Variants in FBXW11 observed in about 807,000 individuals in gnomAD.
The protein encoded by FBXW11 is F-box/WD repeat-containing protein 11.
FBXW11 carries 19 observed loss-of-function variants against 77.6 expected under a neutral mutation model. The ratio of observed to expected loss-of-function variants is 0.24; its 90% CI spans 0.17 to 0.36. The LOEUF is 0.36. Ranked by LOEUF, FBXW11 falls within the 10% of genes least tolerant of loss-of-function variation. The pLI, the probability that FBXW11 is intolerant of heterozygous loss-of-function variation, is 1.00. For missense variants in FBXW11, 334 were observed against 704.2 expected (o/e 0.47, Z 5.95); for synonymous variants, 235 against 249.4 (o/e 0.94, Z 0.54).
chr5:171,989,639 A>T (rs2113546931), intron 1 of FBXW11, among the ~76,000 whole-genome samples: 1 of 152,376 alleles, frequency 6.6e-6, no homozygotes, highest in Non-Finnish European at 1.5e-5. Context: ...AAGTTAATGC[A>T]GGCAAAGGAA....
At chr5:171,969,203 G>A (rs1764388935) in intron 1 of FBXW11, among the ~76,000 whole-genome samples, 1 of 152,206 alleles carries the variant, frequency 6.6e-6, no homozygotes, top group South Asian at 2.1e-4. Flanking sequence ...AGGAGGCAGA[G>A]GTTGCAGTAA....
intron 1 of FBXW11, among the ~76,000 whole-genome samples, chr5:172,004,181 G>A (rs1355896246): frequency 6.6e-6 from 1 of 152,078 alleles, no homozygotes; most frequent in Non-Finnish European, 1.5e-5. Context: ...TTTGATCCTG[G>A]ATTTACTCAA....
Position 171,878,553 on chromosome 5 carries a change from AGTGTGTGAGT to A in FBXW11, c.853-434_853-425del, listed in dbSNP as rs747420737. Among the ~76,000 whole-genome samples, 47 of 105,486 alleles carry A rather than the reference AGTGTGTGAGT, an allele frequency of 4.5e-4. 2 individuals carry two copies. The South Asian group carries it at 0.013, about 30-fold the overall frequency. 69.2% of individuals were successfully genotyped at this position (105,486 alleles called of 152,430 possible). On this transcript the variant is annotated intron_variant, in intron 7 of 13. Transcript: ENST00000517395. ...AACATACCAAGCCAATCTCCATAAGAGTGTGTGAGTGTGTGTGTGTGTGTGTGTGTGTGTG... is the reference window on the plus strand; with the variant it reads ...AACATACCAAGCCAATCTCCATAAGAGTGTGTGTGTGTGTGTGTGTGTGTG...
At chr5:171,932,954 CAAAA>C (rs59324690) in intron 2 of FBXW11, among the ~76,000 whole-genome samples, 4 of 50,246 alleles carry the variant, frequency 8.0e-5, no homozygotes, top group Admixed American at 5.4e-4. Context: ...CTGCCTCTAC[CAAAA>C]AAAAAAAAAA....
intron 1 of FBXW11, among the ~76,000 whole-genome samples, chr5:171,962,517 G>A (rs1211796649): frequency 6.6e-6 from 1 of 151,954 alleles, no homozygotes; most frequent in Non-Finnish European, 1.5e-5. Context: ...TATTAGCCAG[G>A]GAAGCTGACA....
chr5:171,936,456 A>C (rs1489385215), intron 2 of FBXW11, among the ~76,000 whole-genome samples: 1 of 149,780 alleles, frequency 6.7e-6, no homozygotes. Context: ...TGATCATGCT[A>C]CTGCACTCCA....
chr5:171,865,995 T>C (rs1757367995), intron 13 of FBXW11, among the ~76,000 whole-genome samples: 1 of 152,178 alleles, frequency 6.6e-6, no homozygotes, highest in Non-Finnish European at 1.5e-5. Flanking sequence ...CCGCACGCGG[T>C]GGCTCACTCC....
At chr5:171,973,940 GAT>G (rs967123722) in intron 1 of FBXW11, among the ~76,000 whole-genome samples, 1 of 152,066 alleles carries the variant, frequency 6.6e-6, no homozygotes, top group Non-Finnish European at 1.5e-5. Flanking sequence ...ATAATGGAAT[GAT>G]ATATATGTGT....
intron 2 of FBXW11, among the ~76,000 whole-genome samples, chr5:171,937,519 C>T (rs551320545): frequency 3.3e-5 from 5 of 152,182 alleles, no homozygotes; most frequent in Middle Eastern, 3.4e-3. Context: ...TGTGGCTGTG[C>T]TCCAATAAAA....
intron 2 of FBXW11, among the ~76,000 whole-genome samples, chr5:171,957,262 G>C (rs1015546971): frequency 6.6e-6 from 1 of 152,118 alleles, no homozygotes; most frequent in African/African-American, 2.4e-5. Flanking sequence ...ACTCAACAAA[G>C]AACTGTTAAA....
chr5:171,897,908 A>AC (rs1257025631), intron 6 of FBXW11, among the ~76,000 whole-genome samples: 2 of 152,198 alleles, frequency 1.3e-5, no homozygotes, highest in Non-Finnish European at 2.9e-5. Context: ...TGTCTCAGCC[A>AC]CTAGCACTGT....
chr5:171,967,869 TATATATATATATATAC>T lies in FBXW11; in HGVS notation c.46-10187_46-10172del, dbSNP rs1169025943. ...AAAAAAAAATGCATATATATATATATATATATATATATATACACACACACACACACACACACACACA... is the reference window on the plus strand; with the variant it reads ...AAAAAAAAATGCATATATATATATATACACACACACACACACACACACACA... On this transcript the variant is annotated intron_variant, in intron 1 of 13. Coordinates refer to ENST00000517395, the MANE Select transcript of FBXW11 (RefSeq NM_001378974.1). 5.4e-3 allele frequency among the ~76,000 whole-genome samples: 402 copies of T among 74,176 alleles called. 2 individuals carry two copies. Among genetic ancestry groups the T allele is most frequent in the Admixed American group, 0.011 (80 of 7,420 alleles). 48.7% of individuals were successfully genotyped at this position (74,176 alleles called of 152,430 possible).
At chr5:171,968,989 G>A (rs1397478538) in intron 1 of FBXW11, among the ~76,000 whole-genome samples, 1 of 152,206 alleles carries the variant, frequency 6.6e-6, no homozygotes, top group Non-Finnish European at 1.5e-5. Context: ...CACGGAAGGG[G>A]CCGGGCGTGG....
chr5:171,907,563 T>C (rs749433131), intron 4 of FBXW11, among the ~76,000 whole-genome samples: 1 of 152,152 alleles, frequency 6.6e-6, no homozygotes, highest in Non-Finnish European at 1.5e-5. Flanking sequence ...GGCCAGCTCG[T>C]CCTCAGCTAT....
chr5:171,984,485 T>A (rs1765326827), intron 1 of FBXW11, among the ~76,000 whole-genome samples: 1 of 152,220 alleles, frequency 6.6e-6, no homozygotes, highest in African/African-American at 2.4e-5. Context: ...ATGTGTGGGC[T>A]GGAGGTAATA....
At chr5:171,942,507 C>T (rs1275176221) in intron 2 of FBXW11, among the ~76,000 whole-genome samples, 3 of 152,144 alleles carry the variant, frequency 2.0e-5, no homozygotes, top group Non-Finnish European at 4.4e-5. Flanking sequence ...AAAGCGATTG[C>T]TGTTTTCTCA....
chr5:171,937,616 C>A (rs1337957267), intron 2 of FBXW11, among the ~76,000 whole-genome samples: 1 of 151,932 alleles, frequency 6.6e-6, no homozygotes, highest in Non-Finnish European at 1.5e-5. Flanking sequence ...TCATTGAGCT[C>A]AGGAGTTCAA....
intron 2 of FBXW11, among the ~76,000 whole-genome samples, chr5:171,932,910 G>T (rs2113092482): frequency 7.1e-6 from 1 of 141,474 alleles, no homozygotes; most frequent in Non-Finnish European, 1.5e-5. Context: ...TCCAGCCCAG[G>T]ACTTGAGACC....
chr5:171,890,422 C>G (rs575319926), intron 7 of FBXW11, among the ~76,000 whole-genome samples: 10 of 147,646 alleles, frequency 6.8e-5, no homozygotes, highest in Non-Finnish European at 1.3e-4. Flanking sequence ...ACTCAGGAGG[C>G]TGAGGTAGGA....
Sources: gnomAD v4.1 joint callset for allele counts (sites outside exome capture counted in the v4.1 genomes callset) on GRCh38, gnomAD v4.1.1 for gene constraint, MANE v1.5 for transcripts, NCBI Gene and HGNC (gene_info 2026-07-23, HGNC 2026-07-21) for gene names.